DRD2: variants seen among roughly 807,000 people sequenced by gnomAD.
The protein encoded by DRD2 is D(2) dopamine receptor.
Under a neutral mutation model 38.0 loss-of-function variants are expected in DRD2, and 8 were observed. The observed-to-expected ratio is 0.21, with a 90% confidence interval of 0.12 to 0.38. The LOEUF (loss-of-function observed/expected upper bound fraction) is 0.38. Ranked by LOEUF, DRD2 falls within the 10% of genes least tolerant of loss-of-function variation. The pLI is 1.00. For missense variants in DRD2, 403 were observed against 607.7 expected, an observed-to-expected ratio of 0.66 and a Z score of 3.54; for synonymous variants, 230 against 238.6, an observed-to-expected ratio of 0.96 and a Z score of 0.33.
chr11:113,458,700 T>C (rs1951289744), intron 1 of DRD2, among the ~76,000 whole-genome samples: 1 of 152,238 alleles, frequency 6.6e-6, no homozygotes, highest in Non-Finnish European at 1.5e-5. Flanking sequence ...TTAGGATTTA[T>C]TGAATGCCCA....
chr11:113,434,947 G>A (rs1463112860), intron 1 of DRD2, among the ~76,000 whole-genome samples: 1 of 152,182 alleles, frequency 6.6e-6, no homozygotes, highest in Non-Finnish European at 1.5e-5. Context: ...CCCTGTGTGA[G>A]ACTTTGTCTA....
chr11:113,415,735 G>T, intron 4 of DRD2, 124 bp from the exon 5 acceptor site: 2 of 1,057,322 alleles, frequency 1.9e-6, no homozygotes, highest in Non-Finnish European at 2.8e-6. Flanking sequence ...AACGCAACTA[G>T]ATGTTTAAGG....
chr11:113,416,806 C>T lies in DRD2; in HGVS notation c.532+57G>A, dbSNP rs982609838. ...GGGACTCTGCTCCCTCAGGGCCCTT[C>T]GAGGGAGCAGGGGCCCAGGGCCAGC... is the stretch of plus-strand genomic sequence containing the variant. On this transcript the variant is annotated intron_variant, in intron 4 of 7. Coordinates refer to ENST00000362072, the MANE Select transcript of DRD2 (RefSeq NM_000795.4). 8.8e-6 allele frequency: 14 copies of T among 1,597,282 alleles called. No individual in the cohort carries two copies. The Admixed American group carries it at 1.2e-4, about 14-fold the overall frequency.
intron 2 of DRD2, among the ~76,000 whole-genome samples, chr11:113,419,575 C>A (rs138857384): frequency 6.6e-6 from 1 of 151,432 alleles, no homozygotes; most frequent in Non-Finnish European, 1.5e-5. Flanking sequence ...CTGTCCCTAG[C>A]GCTCTGGAAG....
intron 1 of DRD2, among the ~76,000 whole-genome samples, chr11:113,468,477 G>A (rs1447770156): frequency 1.3e-5 from 2 of 152,124 alleles, no homozygotes; most frequent in African/African-American, 4.8e-5. Context: ...CCCTGCCCAG[G>A]GACATCCAGG....
Position 113,447,327 on chromosome 11 carries a change from G to C in DRD2, c.-31-22645C>G, listed in dbSNP as rs531707425. ...CTCTCCCCGCTCCTGTGCCTTTCCTGGGGGAGCTCTCTCGGGCTTTTAATT... is the reference window on the plus strand; with the variant it reads ...CTCTCCCCGCTCCTGTGCCTTTCCTCGGGGAGCTCTCTCGGGCTTTTAATT... On this transcript the variant is annotated intron_variant, in intron 1 of 7. Transcript: ENST00000362072. 4.6e-5 allele frequency among the ~76,000 whole-genome samples: 7 copies of C among 152,246 alleles called. No homozygotes were observed. The East Asian group carries it at 1.4e-3, about 29-fold the overall frequency.
At chr11:113,471,002 A>G (rs982025495) in intron 1 of DRD2, among the ~76,000 whole-genome samples, 2 of 152,226 alleles carry the variant, frequency 1.3e-5, no homozygotes, top group Non-Finnish European at 2.9e-5. Context: ...CCCATTTACC[A>G]GATTAAGGTG....
intron 2 of DRD2, among the ~76,000 whole-genome samples, chr11:113,422,614 G>T (rs1950896487): frequency 6.6e-6 from 1 of 152,130 alleles, no homozygotes; most frequent in Non-Finnish European, 1.5e-5. Flanking sequence ...ATGTGGTTTT[G>T]TATTTGTGTT....
At chr11:113,435,517 G>A (rs577272941) in intron 1 of DRD2, among the ~76,000 whole-genome samples, 287 of 152,250 alleles carry the variant, frequency 1.9e-3, no homozygotes, top group Middle Eastern at 0.017. Flanking sequence ...TGGAGGTGTG[G>A]GGCTGGGGCC....
chr11:113,412,387 G>T (rs1950777084), intron 7 of DRD2, among the ~76,000 whole-genome samples, 169 bp downstream of exon 7: 1 of 152,330 alleles, frequency 6.6e-6, no homozygotes, highest in Admixed American at 6.5e-5. Flanking sequence ...TCTGTAAAGT[G>T]AGCACAATTA....
At chr11:113,462,535 G>T (rs1014512332) in intron 1 of DRD2, among the ~76,000 whole-genome samples, 2 of 152,132 alleles carry the variant, frequency 1.3e-5, no homozygotes, top group Non-Finnish European at 2.9e-5. Context: ...GCCAAGGAGC[G>T]CCAGGAGCCA....
At chr11:113,414,325 T>C in intron 6 of DRD2, 50 bp downstream of exon 6, 3 of 1,570,052 alleles carry the variant, frequency 1.9e-6, no homozygotes, top group Non-Finnish European at 1.8e-6. Flanking sequence ...CCAGTGGGCT[T>C]CCCTAGGGGC....
intron 1 of DRD2, among the ~76,000 whole-genome samples, chr11:113,428,362 C>G (rs1950958101): frequency 6.6e-6 from 1 of 152,200 alleles, no homozygotes; most frequent in Admixed American, 6.5e-5. Context: ...TTAATCCCCT[C>G]TCATAGATGT....
At chr11:113,461,701 G>A (rs994553179) in intron 1 of DRD2, among the ~76,000 whole-genome samples, 16 of 152,294 alleles carry the variant, frequency 1.1e-4, no homozygotes, top group African/African-American at 3.4e-4. Context: ...TGAAATTAGA[G>A]CATTAGTCTG....
At chr11:113,422,089 C>G (rs1447276118) in intron 2 of DRD2, among the ~76,000 whole-genome samples, 1 of 152,124 alleles carries the variant, frequency 6.6e-6, no homozygotes. Flanking sequence ...CTAACAGAAG[C>G]CATGCCCAGA....
chr11:113,412,747 T>G lies in DRD2; in HGVS notation c.947A>C (p.His316Pro), dbSNP rs1182082677. 43 of 1,613,860 alleles carry G rather than the reference T, an allele frequency of 2.7e-5. No individual in the cohort carries two copies. The highest frequency in any genetic ancestry group is 3.5e-5 in the Non-Finnish European group (41 of 1,179,910). Residue 316 changes from histidine (H) to proline (P), a missense_variant, in exon 7 of 8, where the codon CAC becomes CCC. Physicochemically the swap from His to Pro is moderately conservative, Grantham distance 77. Coordinates refer to ENST00000362072, the MANE Select transcript of DRD2 (RefSeq NM_000795.4). ...TTTGGCGGGGCTGTCGGGAGTGCTG[T>G]GGAGACCATGGTGGGACGGGTCGGG... is the stretch of plus-strand genomic sequence containing the variant. ...TLPDPSHHGLHSTPDSPAKPE... is the reference protein window; with the variant it reads ...TLPDPSHHGLPSTPDSPAKPE...
At chr11:113,471,252 A>C (rs1309465966) in intron 1 of DRD2, among the ~76,000 whole-genome samples, 1 of 152,254 alleles carries the variant, frequency 6.6e-6, no homozygotes, top group Non-Finnish European at 1.5e-5. Context: ...ATCTCCAATT[A>C]CATTGGTCAT....
chr11:113,439,792 T>A (rs1951070202), intron 1 of DRD2, among the ~76,000 whole-genome samples: 1 of 113,362 alleles, frequency 8.8e-6, no homozygotes, highest in Admixed American at 1.3e-4. Flanking sequence ...TGAGCCCAGA[T>A]CACACCACTG....
At chr11:113,448,980 C>A (rs1951183454) in intron 1 of DRD2, among the ~76,000 whole-genome samples, 1 of 152,218 alleles carries the variant, frequency 6.6e-6, no homozygotes, top group African/African-American at 2.4e-5. Context: ...GCTTCAGGCT[C>A]ATGTCACCGC....
Sources: allele counts gnomAD v4.1 joint callset (sites outside exome capture counted in the v4.1 genomes callset), GRCh38; gene constraint gnomAD v4.1.1; transcripts MANE v1.5; gene names NCBI Gene and HGNC (gene_info 2026-07-23, HGNC 2026-07-21).